The following MYO9A variants were observed in gnomAD, a reference collection of about 807,000 sequenced individuals.
The protein encoded by MYO9A is myosin IXA.
A neutral mutation model predicts 293.3 loss-of-function variants in MYO9A; 103 were observed. That is an observed-to-expected ratio of 0.35 (90% CI 0.30 to 0.41). MYO9A has a LOEUF of 0.41. MYO9A is among the 10% of genes least tolerant of loss of function. The pLI is 1.00. For missense variants in MYO9A, 2,685 were observed against 3,033.0 expected (o/e 0.89, Z 2.69); for synonymous variants, 1,001 against 1,035.7 (o/e 0.97, Z 0.64).
At chr15:71,863,342 T>C (rs1055172358) in intron 32 of MYO9A, among the ~76,000 whole-genome samples, 1 of 152,110 alleles carries the variant, frequency 6.6e-6, no homozygotes, top group African/African-American at 2.4e-5. Context: ...TTTACTATGC[T>C]AGCAATTAAA....
At chr15:71,882,429 G>T (rs967117047) in intron 28 of MYO9A, among the ~76,000 whole-genome samples, 1 of 152,198 alleles carries the variant, frequency 6.6e-6, no homozygotes, top group African/African-American at 2.4e-5. Flanking sequence ...TGAACTAACT[G>T]TTGAGTACTT....
intron 13 of MYO9A, among the ~76,000 whole-genome samples, chr15:71,965,414 ACTTTTGCTTTC>A (rs2075847951): frequency 2.0e-5 from 3 of 152,160 alleles, no homozygotes; most frequent in African/African-American, 7.2e-5. Context: ...ATCTAGGTCT[ACTTTTGCTTTC>A]CTTTTGCTTT....
chr15:71,999,573 T>C (rs1372652972), intron 9 of MYO9A, among the ~76,000 whole-genome samples: 26 of 152,306 alleles, frequency 1.7e-4, no homozygotes, highest in Admixed American at 1.7e-3. Flanking sequence ...TAATTCTACC[T>C]ACCATCTATC....
Position 71,824,237 on chromosome 15 carries a change from A to G in MYO9A, c.*2343T>C, listed in dbSNP as rs1258761099. 6.6e-6 allele frequency: 1 copy of G among 152,194 alleles called. No individual in the cohort carries two copies. Among genetic ancestry groups the G allele is most frequent in the Non-Finnish European group, 1.5e-5 (1 of 68,040 alleles). 9.4% of individuals were successfully genotyped at this position (152,194 alleles called of 1,614,324 possible). A position where few individuals can be genotyped will look rare whatever the true frequency, so the allele number is the denominator to read the frequency against. ...TGAATTTTATCCAAACTGGAGTTTC[A>G]GGTCCCTGAGAAAAATTATAAAGTC... On this transcript the variant is annotated 3_prime_UTR_variant, in exon 42 of 42. Transcript: ENST00000356056.
At chr15:72,018,445 G>A (rs933742950) in intron 6 of MYO9A, among the ~76,000 whole-genome samples, 3 of 152,098 alleles carry the variant, frequency 2.0e-5, no homozygotes, top group East Asian at 1.9e-4. Context: ...TCCAGTAAAA[G>A]AGCGAGACTC....
In MYO9A at chr15:71,839,903, T is replaced by G. The variant is rs375280178; in HGVS notation, c.6837+8942A>C. Reference sequence around the variant, plus strand: ...CAACTTGTAAAGATCCCCAAAGTATTCTTTTGCTGTTTTTGTTGAGACCTC... The same window carrying G: ...CAACTTGTAAAGATCCCCAAAGTATGCTTTTGCTGTTTTTGTTGAGACCTC... On this transcript the variant is annotated intron_variant, in intron 39 of 41. Coordinates refer to ENST00000356056, the MANE Select transcript of MYO9A (RefSeq NM_006901.4). Among the ~76,000 whole-genome samples, 4 of 152,358 alleles carry G rather than the reference T, an allele frequency of 2.6e-5. No individual in the cohort carries two copies. In the East Asian group the frequency reaches 5.8e-4, roughly 22 times the overall value.
rs549236446 is a variant in MYO9A, at chr15:71,947,971, C to T, written c.2302+3806G>A. ...CCAAAACTTCAATTTTTCCTCACTC[C>T]TCTAATTTCCTCCCTGAGAAATTTC... On this transcript the variant is annotated intron_variant, in intron 15 of 41. Transcript: ENST00000356056. 5.3e-5 allele frequency among the ~76,000 whole-genome samples: 8 copies of T among 152,138 alleles called. No individual in the cohort carries two copies. In the South Asian group the frequency reaches 1.5e-3, roughly 28 times the overall value.
chr15:71,828,098 T>C (rs1290581893), intron 40 of MYO9A, 72 bp from the exon 41 acceptor site: 1 of 1,507,732 alleles, frequency 6.6e-7, no homozygotes, highest in African/African-American at 1.4e-5. Flanking sequence ...AAAAAGATCC[T>C]CCATGGAAGT....
At chr15:72,110,881 C>T (rs1200600426) in intron 1 of MYO9A, among the ~76,000 whole-genome samples, 1 of 152,108 alleles carries the variant, frequency 6.6e-6, no homozygotes, top group Non-Finnish European at 1.5e-5. Context: ...TGATTTCGGC[C>T]GGGCATGGTG....
intron 1 of MYO9A, among the ~76,000 whole-genome samples, chr15:72,071,044 A>G (rs2079174775): frequency 1.3e-5 from 2 of 152,246 alleles, no homozygotes; most frequent in Admixed American, 6.5e-5. Flanking sequence ...TAAAACCAAA[A>G]ACTGACAATC....
Position 71,901,202 on chromosome 15 carries a change from C to A in MYO9A, c.3139G>T (p.Val1047Phe), listed in dbSNP as rs567949616. The part of the protein sequence containing the change: ...QHFLHLRQAS[V>F]IIQRFWRNYL... ...CCTTTGCTTCTCACCTGGATAATAA[C>A]AGATGCTTGTCTCAGATGGAGGAAA... Residue 1047 changes from valine (V) to phenylalanine (F), a missense_variant, in exon 23 of 42, where the codon GTT (valine) becomes TTT (phenylalanine). By Grantham distance (50) the Val-to-Phe change is conservative. Coordinates refer to ENST00000356056, the MANE Select transcript of MYO9A (RefSeq NM_006901.4). 3 of 1,611,862 alleles carry A rather than the reference C, an allele frequency of 1.9e-6. No homozygotes were observed. Among genetic ancestry groups the A allele is most frequent in the East Asian group, 2.2e-5 (1 of 44,756 alleles).
At chr15:71,872,864 C>T (rs1292169220) in intron 32 of MYO9A, among the ~76,000 whole-genome samples, 1 of 150,538 alleles carries the variant, frequency 6.6e-6, no homozygotes, top group East Asian at 2.0e-4. Context: ...TACTTTTTTT[C>T]TTTTTTTGCA....
At chr15:71,979,572 T>A (rs11857754) in intron 11 of MYO9A, among the ~76,000 whole-genome samples, 2,261 of 152,330 alleles carry the variant, frequency 0.015, 54 homozygotes, top group African/African-American at 0.051. Flanking sequence ...CAGCTAATGT[T>A]TCAGAGACAC....
In MYO9A at chr15:71,830,192, A is replaced by C. The variant is rs1280127461; in HGVS notation, c.6957T>G (p.Thr2319=). ...CTGCTTGCTGCTGTTCTGTGATGTC[A>C]GTCTCCATGGCTGCCTCACTAGTCA... ...ETLTSEAAME[T]DITEQQQAAM... Residue 2319 remains threonine, a synonymous_variant, in exon 40 of 42, where the codon ACT becomes ACG. Coordinates refer to ENST00000356056, the MANE Select transcript of MYO9A (RefSeq NM_006901.4). 6 of 1,614,062 alleles carry C rather than the reference A, an allele frequency of 3.7e-6. No homozygotes were observed. The highest frequency in any genetic ancestry group is 5.1e-6 in the Non-Finnish European group (6 of 1,179,980).
At position 71,898,272 on chromosome 15, in the gene MYO9A, A is replaced by C. The variant is rs754991052; in HGVS notation, c.4231T>G (p.Ser1411Ala). The C allele has an allele frequency of 7.4e-6, 12 of 1,614,008 alleles. No homozygotes were observed. In the Admixed American group the frequency reaches 1.8e-4, roughly 25 times the overall value. ...GTAGGTAGACTATTTGAAATGAAGGAGTCTTTCAGCTGTGGTTTACAGGTA... is the reference window on the plus strand; with the variant it reads ...GTAGGTAGACTATTTGAAATGAAGGCGTCTTTCAGCTGTGGTTTACAGGTA... ...SITCKPQLKDSFISNSLPTFF... is the reference protein window; with the variant it reads ...SITCKPQLKDAFISNSLPTFF... Residue 1411 changes from serine to alanine, a missense_variant, in exon 25 of 42, where the codon TCC (serine) becomes GCC (alanine). Ser to Ala is a moderately conservative substitution (Grantham distance 99). Coordinates refer to ENST00000356056, the MANE Select transcript of MYO9A (RefSeq NM_006901.4).
At chr15:71,983,563 G>A (rs1006339165) in intron 11 of MYO9A, among the ~76,000 whole-genome samples, 6 of 132,660 alleles carry the variant, frequency 4.5e-5, no homozygotes, top group African/African-American at 1.7e-4. Flanking sequence ...TGGAACTTCC[G>A]CGAACCCTTC....
rs138973861 is a variant in MYO9A at position 72,032,501 on chromosome 15, C to A, written c.928G>T (p.Val310Leu). The change falls in exon 3 of 42, where the codon GTA (valine) becomes TTA (leucine). Residue 310 changes from valine (V) to leucine (L), a missense_variant. Transcript: ENST00000356056. ...IQVNYQETGTVLGAYVEKYLL... is the reference protein window; with the variant it reads ...IQVNYQETGTLLGAYVEKYLL... Reference sequence around the variant, plus strand: ...CTAAGTAGCAGTACTTACCCAAGTACAGTGCCTGTTTCCTGGTAATTTACT... The same window carrying A: ...CTAAGTAGCAGTACTTACCCAAGTAAAGTGCCTGTTTCCTGGTAATTTACT... 6.9e-6 allele frequency: 11 copies of A among 1,598,020 alleles called. No individual in the cohort carries two copies. The highest frequency in any genetic ancestry group is 9.4e-6 in the Non-Finnish European group (11 of 1,172,296).
intron 1 of MYO9A, among the ~76,000 whole-genome samples, chr15:72,049,593 G>A (rs2078493006): frequency 6.6e-6 from 1 of 152,222 alleles, no homozygotes; most frequent in South Asian, 2.1e-4. Context: ...CAGAAGATGA[G>A]CAGCAGGCAA....
intron 13 of MYO9A, among the ~76,000 whole-genome samples, chr15:71,965,507 AG>A (rs1430291255): frequency 6.6e-6 from 1 of 152,180 alleles, no homozygotes; most frequent in Non-Finnish European, 1.5e-5. Context: ...GCACTTTGGG[AG>A]GCCGAGGAGG....
Sources: gnomAD v4.1 joint callset for allele counts (sites outside exome capture counted in the v4.1 genomes callset) on GRCh38, gnomAD v4.1.1 for gene constraint, MANE v1.5 for transcripts, NCBI Gene and HGNC (gene_info 2026-07-23, HGNC 2026-07-21) for gene names.